The following XPOT variants were observed in gnomAD, a reference collection of about 807,000 sequenced individuals.
The protein encoded by XPOT is exportin-T.
A neutral mutation model predicts 128.2 loss-of-function variants in XPOT; 34 were observed. That is an observed-to-expected ratio of 0.27 (90% CI 0.20 to 0.35). The LOEUF (loss-of-function observed/expected upper bound fraction) is 0.35, where lower values mean the gene tolerates loss of function less well. XPOT is among the 10% of genes least tolerant of loss of function. The pLI is 1.00. For missense variants in XPOT, 838 were observed against 1,125.3 expected (o/e 0.74, Z 3.65); for synonymous variants, 348 against 394.3 (o/e 0.88, Z 1.39).
chr12:64,448,021 G>T, intron 24 of XPOT, 84 bp from the exon 25 acceptor site: 1 of 1,199,156 alleles, frequency 8.3e-7, no homozygotes, highest in Non-Finnish European at 1.2e-6. Context: ...AACATTGCTA[G>T]CACTCAGATA....
Position 64,450,266 on chromosome 12 carries a change from C to G in XPOT, c.*2135C>G, listed in dbSNP as rs984032268. On this transcript the variant is annotated 3_prime_UTR_variant, in exon 25 of 25. Coordinates refer to ENST00000332707, the MANE Select transcript of XPOT (RefSeq NM_007235.6). The stretch of plus-strand genomic sequence containing the variant: ...TCCCATACTCTACCAATCCTCCTGC[C>G]TCAGCATCCAGACTAGCTGTGATTA... 3 of 152,010 alleles carry G rather than the reference C, an allele frequency of 2.0e-5. No homozygotes were observed. The highest frequency in any genetic ancestry group is 2.9e-5 in the Non-Finnish European group (2 of 68,054). 9.4% of individuals were successfully genotyped at this position (152,010 alleles called of 1,614,324 possible).
chr12:64,429,448 T>C (rs975716745), intron 16 of XPOT, among the ~76,000 whole-genome samples: 1 of 151,808 alleles, frequency 6.6e-6, no homozygotes, highest in Non-Finnish European at 1.5e-5. Flanking sequence ...CTAGTACTTT[T>C]TTTTTTTTTT....
intron 2 of XPOT, among the ~76,000 whole-genome samples, 195 bp from the exon 3 acceptor site, chr12:64,414,712 A>G (rs970520710): frequency 3.3e-5 from 5 of 152,206 alleles, no homozygotes; most frequent in Non-Finnish European, 5.9e-5. Context: ...GATGGAATTT[A>G]TATTTATTTA....
chr12:64,438,609 A>C (rs1446451526), intron 22 of XPOT, among the ~76,000 whole-genome samples: 2 of 151,824 alleles, frequency 1.3e-5, no homozygotes, highest in East Asian at 3.9e-4. Context: ...GGAAGAGTAC[A>C]TCGAGGAGAG....
chr12:64,424,816 A>C, intron 12 of XPOT, 93 bp downstream of exon 12: 1 of 1,488,598 alleles, frequency 6.7e-7, no homozygotes, highest in Non-Finnish European at 9.1e-7. Context: ...TTATTAATCC[A>C]TGTTACTTAT....
chr12:64,406,457 C>T (rs1174540620), intron 1 of XPOT, among the ~76,000 whole-genome samples: 3 of 152,000 alleles, frequency 2.0e-5, no homozygotes, highest in African/African-American at 7.3e-5. Context: ...CAACCTCCGC[C>T]TCCCGGGTTC....
At position 64,435,664 on chromosome 12, in the gene XPOT, A is replaced by G; in HGVS notation, c.2723A>G (p.His908Arg). The change falls in exon 22 of 25, where the codon CAT becomes CGT. Residue 908 changes from histidine to arginine, a missense_variant. By Grantham distance (29) the His-to-Arg change is conservative (BLOSUM62 0). Transcript: ENST00000332707. ...TGTGCAGTGACACTGAAAACAATTC[A>G]TCTCAAACGGGTAAGCCTTTTAGTC... The part of the protein sequence containing the change: ...SECAVTLKTI[H>R]LKRGPECVQY... 6.2e-7 allele frequency: 1 copy of G among 1,600,648 alleles called. No homozygotes were observed. The highest frequency in any genetic ancestry group is 8.5e-7 in the Non-Finnish European group (1 of 1,171,968).
intron 22 of XPOT, among the ~76,000 whole-genome samples, 161 bp from the exon 23 acceptor site, chr12:64,439,083 G>A (rs1325973109): frequency 1.3e-5 from 2 of 152,036 alleles, no homozygotes; most frequent in East Asian, 1.9e-4. Context: ...TTTAAAGAAG[G>A]TGCCAGAGCC....
At chr12:64,425,717 C>A in intron 14 of XPOT, 98 bp from the exon 15 acceptor site, 1 of 1,211,312 alleles carries the variant, frequency 8.3e-7, no homozygotes. Context: ...CTTTTAGGAG[C>A]TAAGAAGTAA....
chr12:64,427,008 TA>T (rs960939240), intron 15 of XPOT, among the ~76,000 whole-genome samples: 4 of 146,272 alleles, frequency 2.7e-5, no homozygotes, highest in African/African-American at 1.0e-4. Context: ...AAGATGGAAA[TA>T]AAAAAAAAGT....
At position 64,409,959 on chromosome 12, in the gene XPOT, C is replaced by A; in HGVS notation, c.-74-3C>A. 2 of 1,201,076 alleles carry A rather than the reference C, an allele frequency of 1.7e-6. No homozygotes were observed. The highest frequency in any genetic ancestry group is 1.3e-5 in the South Asian group (1 of 78,430). 74.4% of individuals were successfully genotyped at this position (1,201,076 alleles called of 1,614,324 possible). A position where few individuals can be genotyped will look rare whatever the true frequency, so the allele number is the denominator to read the frequency against. On this transcript the variant is annotated splice_polypyrimidine_tract_variant and splice_region_variant and intron_variant, in intron 1 of 24. Transcript: ENST00000332707. ...TTTCTTTCAACTTTGTTTTTTGTGG[C>A]AGATGTTTATAAATTCTTCTGTGGG...
intron 22 of XPOT, among the ~76,000 whole-genome samples, chr12:64,439,011 A>G (rs1469385812): frequency 6.6e-6 from 1 of 152,204 alleles, no homozygotes; most frequent in African/African-American, 2.4e-5. Flanking sequence ...ACCAGGGCAC[A>G]TGTATACCTA....
Position 64,449,718 on chromosome 12 carries a change from T to C in XPOT, c.*1587T>C, listed in dbSNP as rs2040395027. On this transcript the variant is annotated 3_prime_UTR_variant, in exon 25 of 25. Coordinates refer to ENST00000332707, the MANE Select transcript of XPOT (RefSeq NM_007235.6). ...AAATAAATCAGTGAAATGTACCTTA[T>C]ACTTTAATAAAAAATGTTTTCAGAA... is the stretch of plus-strand genomic sequence containing the variant. The C allele has an allele frequency of 6.6e-6, 1 of 152,246 alleles. No homozygotes were observed. Among genetic ancestry groups the C allele is most frequent in the African/African-American group, 2.4e-5 (1 of 41,470 alleles). 9.4% of individuals were successfully genotyped at this position (152,246 alleles called of 1,614,324 possible).
chr12:64,429,946 G>A (rs2040224938), intron 16 of XPOT, 103 bp from the exon 17 acceptor site: 2 of 1,065,796 alleles, frequency 1.9e-6, no homozygotes, highest in Admixed American at 2.7e-5. Flanking sequence ...TGACATATGA[G>A]TTGGTGTGAT....
rs1218192006 is a variant in XPOT, at chr12:64,416,727, A to G, written c.173A>G (p.Gln58Arg). The G allele has an allele frequency of 6.2e-7, 1 of 1,613,100 alleles. No individual in the cohort carries two copies. Residue 58 changes from glutamine to arginine, a missense_variant, in exon 4 of 25, where the codon CAA becomes CGA. Coordinates refer to ENST00000332707, the MANE Select transcript of XPOT (RefSeq NM_007235.6). Reference sequence around the variant, plus strand: ...GATCATGTGAAGTTTTTCTGCTTTCAAGTACTGGAACATCAAGTTAAATAC... The same window carrying G: ...GATCATGTGAAGTTTTTCTGCTTTCGAGTACTGGAACATCAAGTTAAATAC... Reference protein sequence around the residue: ...SDDHVKFFCFQVLEHQVKYKY... With the variant: ...SDDHVKFFCFRVLEHQVKYKY...
intron 12 of XPOT, 105 bp from the exon 13 acceptor site, chr12:64,424,933 A>T: frequency 7.0e-7 from 1 of 1,429,674 alleles, no homozygotes; most frequent in Non-Finnish European, 9.5e-7. Flanking sequence ...AGTTGCTATG[A>T]CTTTTTAATA....
At position 64,448,376 on chromosome 12, in the gene XPOT, T is replaced by A; in HGVS notation, c.*245T>A. 2.1e-6 allele frequency: 1 copy of A among 475,276 alleles called. No individual in the cohort carries two copies. Among genetic ancestry groups the A allele is most frequent in the Non-Finnish European group, 3.8e-6 (1 of 266,614 alleles). The allele number at this position is 475,276 out of a possible 1,614,324, so 29.4% of individuals were successfully genotyped here. A position where few individuals can be genotyped will look rare whatever the true frequency, so the allele number is the denominator to read the frequency against. On this transcript the variant is annotated 3_prime_UTR_variant, in exon 25 of 25. Coordinates refer to ENST00000332707, the MANE Select transcript of XPOT (RefSeq NM_007235.6). ...AAGATGCTCTTAAAAGACACAAGAG[T>A]TATCCTAGAACCTTAATTCTTTTTT...
intron 22 of XPOT, 114 bp from the exon 23 acceptor site, chr12:64,439,130 T>C: frequency 1.0e-6 from 1 of 958,558 alleles, no homozygotes; most frequent in Non-Finnish European, 1.6e-6. Flanking sequence ...CTCGGGTCTG[T>C]GTTCTTAAGC....
In XPOT at chr12:64,450,082, A is replaced by C. The variant is rs190240074; in HGVS notation, c.*1951A>C. The C allele has an allele frequency of 4.6e-5, 7 of 152,362 alleles. No homozygotes were observed. The highest frequency in any genetic ancestry group is 4.6e-4 in the Admixed American group (7 of 15,308). 9.4% of individuals were successfully genotyped at this position (152,362 alleles called of 1,614,324 possible). A position where few individuals can be genotyped will look rare whatever the true frequency, so the allele number is the denominator to read the frequency against. ...GACTTATTACAGTAGCTGGCACATAAAGACTTGATAGTAGTTTATATGGAT... is the reference window on the plus strand; with the variant it reads ...GACTTATTACAGTAGCTGGCACATACAGACTTGATAGTAGTTTATATGGAT... On this transcript the variant is annotated 3_prime_UTR_variant, in exon 25 of 25. Transcript: ENST00000332707.
Sources: allele counts gnomAD v4.1 joint callset (sites outside exome capture counted in the v4.1 genomes callset), GRCh38; gene constraint gnomAD v4.1.1; transcripts MANE v1.5; gene names NCBI Gene and HGNC (gene_info 2026-07-23, HGNC 2026-07-21).